Variants in PDCD4 observed in about 807,000 individuals in gnomAD.
PDCD4 encodes the protein programmed cell death protein 4.
A neutral mutation model predicts 54.0 loss-of-function variants in PDCD4; 56 were observed. That is an observed-to-expected ratio of 1.04 (90% CI 0.84 to 1.30). The LOEUF (loss-of-function observed/expected upper bound fraction) is 1.30, where lower values mean the gene tolerates loss of function less well. Among genes scored for constraint, PDCD4 ranks in the 50% most tolerant of loss-of-function variants. The pLI, the probability that PDCD4 is intolerant of heterozygous loss-of-function variation, is 0.00. For synonymous variants in PDCD4, 186 were observed against 194.8 expected (o/e 0.95, Z 0.37); for missense variants, 584 against 559.8 (o/e 1.04, Z -0.44).
chr10:110,894,374 G>T, intron 9 of PDCD4, 38 bp from the exon 10 acceptor site: 2 of 1,140,144 alleles, frequency 1.8e-6, no homozygotes, highest in South Asian at 1.3e-5. Context: ...TTTCATATAT[G>T]AATTAACCAA....
chr10:110,883,056 G>A lies in PDCD4; in HGVS notation c.400G>A (p.Glu134Lys). 2 of 1,599,152 alleles carry A rather than the reference G, an allele frequency of 1.3e-6. No individual in the cohort carries two copies. The highest frequency in any genetic ancestry group is 1.8e-5 in the Admixed American group (1 of 56,528). Residue 134 changes from glutamate to lysine, a missense_variant, in exon 4 of 12, where the codon GAG (glutamate) becomes AAG (lysine). Glu to Lys is a moderately conservative substitution (Grantham distance 56, BLOSUM62 1). Transcript: ENST00000280154. Reference protein sequence around the residue: ...WGTPGQVYDVEEVDVKDPNYD... With the variant: ...WGTPGQVYDVKEVDVKDPNYD... ...TACACCTGGACAGGTGTATGATGTG[G>A]AGGAGGTGGATGTGAAAGATCCTAA...
intron 4 of PDCD4, 149 bp from the exon 5 acceptor site, chr10:110,885,104 A>G (rs543926220): frequency 1.1e-4 from 55 of 488,770 alleles, no homozygotes; most frequent in Non-Finnish European, 1.7e-4. Context: ...CCTAGATTCT[A>G]TTTTTATATG....
At chr10:110,876,890 AT>A (rs1168409853) in intron 2 of PDCD4, 1 of 380,056 alleles carries the variant, frequency 2.6e-6, no homozygotes, top group Non-Finnish European at 4.8e-6. Context: ...TTGTCTTATA[AT>A]TTTATTAATA....
At chr10:110,876,699 C>T in intron 2 of PDCD4, 2 of 1,272,420 alleles carry the variant, frequency 1.6e-6, no homozygotes, top group South Asian at 2.3e-5. Context: ...CATGGTGCTT[C>T]AATAGCATGT....
At chr10:110,879,052 A>T (rs1298225783) in intron 2 of PDCD4, among the ~76,000 whole-genome samples, 1 of 152,138 alleles carries the variant, frequency 6.6e-6, no homozygotes. Context: ...CTTCTCTTTA[A>T]TCCTAGATAC....
Position 110,898,547 on chromosome 10 carries a change from ATTTC to A in PDCD4, c.*463_*466del, listed in dbSNP as rs1157300179. 3.3e-5 allele frequency: 5 copies of A among 152,788 alleles called. No individual in the cohort carries two copies. Among genetic ancestry groups the A allele is most frequent in the Admixed American group, 1.3e-4 (2 of 15,292 alleles). 9.5% of individuals were successfully genotyped at this position (152,788 alleles called of 1,614,324 possible). On this transcript the variant is annotated 3_prime_UTR_variant, in exon 12 of 12. Transcript: ENST00000280154. Reference sequence around the variant, plus strand: ...GCTTTGGGAGTAAAAAAAGAAAGTTATTTCTTTGTCTTAAAGAATTTTTAAAAAA... The same window carrying A: ...GCTTTGGGAGTAAAAAAAGAAAGTTATTTGTCTTAAAGAATTTTTAAAAAA...
rs193215088 is a variant in PDCD4, at chr10:110,894,919, C to T, written c.1209+397C>T. 1.3e-3 allele frequency among the ~76,000 whole-genome samples: 204 copies of T among 151,196 alleles called. 1 individual carries two copies. Among genetic ancestry groups the T allele is most frequent in the Middle Eastern group, 6.9e-3 (2 of 290 alleles). ...TAAATGTTTGTGAGGTTTTTGTTTGCCTTGTATTTTTTTAAAAAGGTAGTA... is the reference window on the plus strand; with the variant it reads ...TAAATGTTTGTGAGGTTTTTGTTTGTCTTGTATTTTTTTAAAAAGGTAGTA... On this transcript the variant is annotated intron_variant, in intron 10 of 11. Coordinates refer to ENST00000280154, the MANE Select transcript of PDCD4 (RefSeq NM_014456.5).
chr10:110,872,872 A>G (rs1199254472), intron 1 of PDCD4, among the ~76,000 whole-genome samples: 1 of 152,082 alleles, frequency 6.6e-6, no homozygotes, highest in Non-Finnish European at 1.5e-5. Context: ...GAGCTTCAAA[A>G]CTGTCTGCAG....
chr10:110,873,187 G>C (rs911642852), intron 1 of PDCD4, among the ~76,000 whole-genome samples: 1 of 152,072 alleles, frequency 6.6e-6, no homozygotes, highest in Non-Finnish European at 1.5e-5. Context: ...AATTATAATT[G>C]ACTGGCTTTT....
At chr10:110,876,305 G>A (rs1845503643) in intron 2 of PDCD4, among the ~76,000 whole-genome samples, 1 of 152,122 alleles carries the variant, frequency 6.6e-6, no homozygotes, top group South Asian at 2.1e-4. Context: ...TGTTGCCTAG[G>A]CTGAAATATC....
At chr10:110,897,976 C>T (rs1214988297) in intron 11 of PDCD4, 52 bp from the exon 12 acceptor site, 1 of 1,287,484 alleles carries the variant, frequency 7.8e-7, no homozygotes, top group Admixed American at 2.0e-5. Flanking sequence ...TATATATTGA[C>T]TATAGTCAGA....
Position 110,887,754 on chromosome 10 carries a change from T to A in PDCD4, c.645T>A (p.His215Gln). 6.2e-7 allele frequency: 1 copy of A among 1,613,308 alleles called. No homozygotes were observed. Among genetic ancestry groups the A allele is most frequent in the Non-Finnish European group, 8.5e-7 (1 of 1,179,288 alleles). ...TAGCATTGGAGGGGAAGGCTAGTCATAGAGAGATGACATCTAAGCTTCTTT... is the reference window on the plus strand; with the variant it reads ...TAGCATTGGAGGGGAAGGCTAGTCAAAGAGAGATGACATCTAAGCTTCTTT... Reference protein sequence around the residue: ...VSLALEGKASHREMTSKLLSD... With the variant: ...VSLALEGKASQREMTSKLLSD... Residue 215 changes from histidine (H) to glutamine (Q), a missense_variant, in exon 6 of 12, where the codon CAT becomes CAA. Physicochemically the swap from His to Gln is conservative, Grantham distance 24 (BLOSUM62 0). Transcript: ENST00000280154.
chr10:110,881,037 T>C (rs930097251), intron 2 of PDCD4, among the ~76,000 whole-genome samples, 196 bp from the exon 3 acceptor site: 1 of 152,224 alleles, frequency 6.6e-6, no homozygotes, highest in Admixed American at 6.5e-5. Context: ...TGGTTTACTT[T>C]CCTTGATAAT....
At chr10:110,877,462 T>G (rs1348700560) in intron 2 of PDCD4, among the ~76,000 whole-genome samples, 1 of 152,202 alleles carries the variant, frequency 6.6e-6, no homozygotes, top group Non-Finnish European at 1.5e-5. Flanking sequence ...GCTTGCATGT[T>G]GAGATGATAT....
In PDCD4 at chr10:110,887,780, C is replaced by G. The variant is rs1390441443; in HGVS notation, c.671C>G (p.Ser224Cys). The G allele has an allele frequency of 6.2e-7, 1 of 1,613,590 alleles. No individual in the cohort carries two copies. Among genetic ancestry groups the G allele is most frequent in the South Asian group, 1.1e-5 (1 of 91,074 alleles). The change falls in exon 6 of 12, where the codon TCT becomes TGT. Residue 224 changes from serine (S) to cysteine (C), a missense_variant. By Grantham distance (112) the Ser-to-Cys change is moderately radical (BLOSUM62 -1). Transcript: ENST00000280154. Reference sequence around the variant, plus strand: ...AGAGAGATGACATCTAAGCTTCTTTCTGACCTTTGTGGGACAGTAATGAGC... The same window carrying G: ...AGAGAGATGACATCTAAGCTTCTTTGTGACCTTTGTGGGACAGTAATGAGC... ...SHREMTSKLLSDLCGTVMSTT... is the reference protein window; with the variant it reads ...SHREMTSKLLCDLCGTVMSTT...
intron 3 of PDCD4, 55 bp downstream of exon 3, chr10:110,881,590 C>G (rs758321920): frequency 1.4e-6 from 2 of 1,469,908 alleles, no homozygotes; most frequent in East Asian, 2.3e-5. Context: ...AAAAAATTGT[C>G]TGGTTCTTGT....
chr10:110,895,854 C>T (rs1223402044), intron 10 of PDCD4, 94 bp from the exon 11 acceptor site: 1 of 906,760 alleles, frequency 1.1e-6, no homozygotes. Context: ...AATATTTGGC[C>T]TTAAATACAA....
chr10:110,881,578 G>GA (rs1564681268), intron 3 of PDCD4, 43 bp downstream of exon 3: 2 of 1,519,846 alleles, frequency 1.3e-6, no homozygotes, highest in South Asian at 2.4e-5. Context: ...TAAACAAGTG[G>GA]AAAAAAATTG....
Position 110,887,613 on chromosome 10 carries a change from C to A in PDCD4, c.556-52C>A, listed in dbSNP as rs1366547377. 5.5e-6 allele frequency: 7 copies of A among 1,284,338 alleles called. No homozygotes were observed. In the African/African-American group the frequency reaches 7.5e-5, roughly 14 times the overall value. The allele number at this position is 1,284,338 out of a possible 1,614,324, so 79.6% of individuals were successfully genotyped here. A position where few individuals can be genotyped will look rare whatever the true frequency, so the allele number is the denominator to read the frequency against. On this transcript the variant is annotated intron_variant, in intron 5 of 11. Transcript: ENST00000280154. ...TTTTCAAAAATAAAATTTTATTGAA[C>A]TATAGGTAGTGATACACTTTTAAAA...
Sources: allele counts gnomAD v4.1 joint callset (sites outside exome capture counted in the v4.1 genomes callset), GRCh38; gene constraint gnomAD v4.1.1; transcripts MANE v1.5; gene names NCBI Gene and HGNC (gene_info 2026-07-23, HGNC 2026-07-21).